Variants in PUS1 observed in about 807,000 individuals in gnomAD.
The protein encoded by PUS1 is pseudouridylate synthase 1 homolog.
A neutral mutation model predicts 38.5 loss-of-function variants in PUS1; 25 were observed. The observed-to-expected ratio is 0.65, with a 90% CI of 0.47 to 0.91. The LOEUF is 0.91. Ranked by LOEUF, PUS1 falls within the 40% of genes least tolerant of loss-of-function variation. The probability of loss-of-function intolerance (pLI) is 0.00; values close to 1 mark genes in which losing one functional copy is unlikely to be tolerated. For synonymous variants in PUS1, 282 were observed against 260.4 expected (o/e 1.08, Z -0.80); for missense variants, 597 against 612.3 (o/e 0.97, Z 0.26).
chr12:131,942,673 TG>T (rs1180785317), intron 5 of PUS1, among the ~76,000 whole-genome samples: 1 of 152,236 alleles, frequency 6.6e-6, no homozygotes, highest in East Asian at 1.9e-4. Context: ...CCCAAAGTGC[TG>T]GGATTACAGT....
intron 5 of PUS1, among the ~76,000 whole-genome samples, chr12:131,943,277 T>C (rs1463130003): frequency 6.6e-6 from 1 of 152,236 alleles, no homozygotes; most frequent in Admixed American, 6.5e-5. Flanking sequence ...CCCATTTTAT[T>C]TTCCCCTGTG....
chr12:131,930,565 CTCCTCAGCCCACT>C (rs1890556295), intron 2 of PUS1, among the ~76,000 whole-genome samples: 1 of 152,222 alleles, frequency 6.6e-6, no homozygotes, highest in African/African-American at 2.4e-5. Context: ...TGAGGATTCT[CTCCTCAGCCCACT>C]TCCTTTTCTG....
At position 131,932,349 on chromosome 12, in the gene PUS1, A is replaced by G. The variant is rs910100226; in HGVS notation, c.441+37A>G. ...CCTTCTCTGCCCCTCCCCCGCTGCT[A>G]TGAGCAGCACGTGGCCCACTTTCCA... On this transcript the variant is annotated intron_variant, in intron 3 of 5. Transcript: ENST00000376649. 4.3e-6 allele frequency: 7 copies of G among 1,609,556 alleles called. No individual in the cohort carries two copies. The African/African-American group carries it at 6.7e-5, about 15-fold the overall frequency.
Position 131,936,982 on chromosome 12 carries a change from A to AC in PUS1, c.442-2185dup, listed in dbSNP as rs199842522. On this transcript the variant is annotated intron_variant, in intron 3 of 5. Coordinates refer to ENST00000376649, the MANE Select transcript of PUS1 (RefSeq NM_025215.6). The stretch of plus-strand genomic sequence containing the variant: ...GGTACCAGGTGTCCCTCAGCTGTTG[A>AC]CCCCCCAGGATGTCTCGAGTGTTCT... 6.8e-3 allele frequency among the ~76,000 whole-genome samples: 1,030 copies of AC among 152,014 alleles called. 29 individuals are homozygous for AC. In the South Asian group the frequency reaches 0.09, roughly 13 times the overall value.
intron 3 of PUS1, among the ~76,000 whole-genome samples, chr12:131,935,421 C>G (rs1375757215): frequency 6.6e-6 from 1 of 152,194 alleles, no homozygotes; most frequent in Non-Finnish European, 1.5e-5. Context: ...AATACGTTTT[C>G]TCACTTGTAT....
At chr12:131,943,469 C>A in intron 5 of PUS1, 70 bp from the exon 6 acceptor site, 1 of 1,319,108 alleles carries the variant, frequency 7.6e-7, no homozygotes, top group Non-Finnish European at 1.1e-6. Context: ...CTGTCATGGG[C>A]CCCTGTGGGC....
Position 131,943,562 on chromosome 12 carries a change from T to G in PUS1, c.1260T>G (p.Ser420Arg). Reference protein sequence around the residue: ...GAKVPSPLEGSEGDGDTD With the variant: ...GAKVPSPLEGREGDGDTD Reference sequence around the variant, plus strand: ...AGGTGCCCAGTCCCCTGGAAGGCAGTGAAGGGGACGGAGACACTGACTGAG... The same window carrying G: ...AGGTGCCCAGTCCCCTGGAAGGCAGGGAAGGGGACGGAGACACTGACTGAG... The change falls in exon 6 of 6, where the codon AGT becomes AGG. Residue 420 changes from serine (S) to arginine (R), a missense_variant. Physicochemically the swap from Ser to Arg is moderately radical, Grantham distance 110 (BLOSUM62 -1). Transcript: ENST00000376649. 6.2e-7 allele frequency: 1 copy of G among 1,613,768 alleles called. No individual in the cohort carries two copies. The highest frequency in any genetic ancestry group is 1.3e-5 in the African/African-American group (1 of 75,060).
intron 3 of PUS1, chr12:131,932,961 G>A (rs1370632873): frequency 1.4e-5 from 5 of 345,930 alleles, no homozygotes; most frequent in South Asian, 4.2e-5. Flanking sequence ...AGATCATGGC[G>A]GCAGGTGCGA....
chr12:131,939,038 G>T, intron 3 of PUS1, 135 bp from the exon 4 acceptor site: 1 of 712,900 alleles, frequency 1.4e-6, no homozygotes, highest in Non-Finnish European at 2.5e-6. Flanking sequence ...ACTATGCCCG[G>T]CCCTCCAGAT....
chr12:131,933,763 G>A (rs1890708608), intron 3 of PUS1, among the ~76,000 whole-genome samples: 1 of 152,246 alleles, frequency 6.6e-6, no homozygotes, highest in Non-Finnish European at 1.5e-5. Flanking sequence ...TACAGGGCCT[G>A]TGGGTTTTCT....
intron 4 of PUS1, 67 bp downstream of exon 4, chr12:131,939,342 G>A: frequency 1.0e-6 from 1 of 1,002,372 alleles, no homozygotes; most frequent in Non-Finnish European, 1.5e-6. Context: ...ACGAGGCTAT[G>A]CATGCTCCTG....
chr12:131,932,544 C>G (rs538426783), intron 3 of PUS1: 1 of 596,756 alleles, frequency 1.7e-6, no homozygotes. Flanking sequence ...TCTTTGCTTT[C>G]TCTTGTGTTG....
At chr12:131,934,466 C>A (rs528216564) in intron 3 of PUS1, among the ~76,000 whole-genome samples, 9 of 152,318 alleles carry the variant, frequency 5.9e-5, no homozygotes, top group Non-Finnish European at 1.3e-4. Context: ...TGTCCTTCAG[C>A]TCCTGACTCT....
Position 131,929,321 on chromosome 12 carries a change from C to T in PUS1, c.-402C>T, listed in dbSNP as rs1037954277. The T allele has an allele frequency of 9.1e-5, 19 of 208,662 alleles. No homozygotes were observed. Among genetic ancestry groups the T allele is most frequent in the African/African-American group, 3.5e-4 (15 of 43,464 alleles). The allele number at this position is 208,662 out of a possible 1,614,324, so 12.9% of individuals were successfully genotyped here. A position where few individuals can be genotyped will look rare whatever the true frequency, so the allele number is the denominator to read the frequency against. ...GGGCAGGAGCGAGCCTCTCTGGTCC[C>T]GACGCGGGTGGCCCGGGTCTCCTCG... On this transcript the variant is annotated 5_prime_UTR_variant, in exon 1 of 6. Coordinates refer to ENST00000376649, the MANE Select transcript of PUS1 (RefSeq NM_025215.6).
chr12:131,934,416 CAGG>C (rs1328528757), intron 3 of PUS1, among the ~76,000 whole-genome samples: 1 of 152,190 alleles, frequency 6.6e-6, no homozygotes, highest in Non-Finnish European at 1.5e-5. Flanking sequence ...CTGGGCGTGA[CAGG>C]GGGCTCACAC....
At chr12:131,933,654 T>A (rs1371195820) in intron 3 of PUS1, among the ~76,000 whole-genome samples, 1 of 152,248 alleles carries the variant, frequency 6.6e-6, no homozygotes, top group East Asian at 1.9e-4. Flanking sequence ...GCCACATTCC[T>A]GTGCTTGGGA....
intron 2 of PUS1, among the ~76,000 whole-genome samples, chr12:131,930,790 A>G (rs1194495432): frequency 6.6e-6 from 1 of 151,932 alleles, no homozygotes; most frequent in Non-Finnish European, 1.5e-5. Flanking sequence ...CACGGCCTGA[A>G]TAATTTTTTT....
intron 3 of PUS1, among the ~76,000 whole-genome samples, chr12:131,933,384 C>G (rs1228547283): frequency 5.3e-5 from 8 of 152,068 alleles, no homozygotes; most frequent in Non-Finnish European, 1.2e-4. Context: ...TCAGGATATC[C>G]TCATTTCGGC....
At chr12:131,930,598 G>T (rs1451089065) in intron 2 of PUS1, among the ~76,000 whole-genome samples, 1 of 152,158 alleles carries the variant, frequency 6.6e-6, no homozygotes, top group Non-Finnish European at 1.5e-5. Context: ...GGAAGGTAGA[G>T]GGTCTGGGTA....
Sources: allele counts gnomAD v4.1 joint callset (sites outside exome capture counted in the v4.1 genomes callset), GRCh38; gene constraint gnomAD v4.1.1; transcripts MANE v1.5; gene names NCBI Gene and HGNC (gene_info 2026-07-23, HGNC 2026-07-21).